The following FGF14 variants were observed in gnomAD, a reference collection of about 807,000 sequenced individuals.
FGF14 encodes fibroblast growth factor homologous factor 4.
FGF14 carries 5 observed loss-of-function variants against 25.5 expected under a neutral mutation model. That is an observed-to-expected ratio of 0.20 (90% CI 0.10 to 0.41). The LOEUF is 0.41. Ranked by LOEUF, FGF14 falls within the 10% of genes least tolerant of loss-of-function variation. FGF14 has a pLI of 1.00. For synonymous variants in FGF14, 138 were observed against 118.3 expected, an observed-to-expected ratio of 1.17 and a Z score of -1.08; for missense variants, 222 against 320.1, an observed-to-expected ratio of 0.69 and a Z score of 2.34.
intron 1 of FGF14, among the ~76,000 whole-genome samples, chr13:101,970,289 G>C (rs1168253711): frequency 6.6e-6 from 1 of 152,178 alleles, no homozygotes; most frequent in African/African-American, 2.4e-5. Context: ...TTTATTCCCA[G>C]TATGGGTTTA....
At chr13:102,045,274 A>G (rs941092179) in intron 1 of FGF14, among the ~76,000 whole-genome samples, 9 of 146,450 alleles carry the variant, frequency 6.1e-5, no homozygotes, top group African/African-American at 1.3e-4. Context: ...ATGCAGATGG[A>G]AAAAAAAAAA....
intron 1 of FGF14, among the ~76,000 whole-genome samples, chr13:102,127,499 CT>C (rs145270801): frequency 0.14 from 22,046 of 152,198 alleles, 2,106 homozygotes; most frequent in Middle Eastern, 0.22. Flanking sequence ...TCTTCTTATT[CT>C]GTAAGAGTTA....
intron 3 of FGF14, among the ~76,000 whole-genome samples, chr13:101,775,824 C>A (rs1226681838): frequency 2.0e-5 from 3 of 152,158 alleles, no homozygotes; most frequent in Non-Finnish European, 4.4e-5. Flanking sequence ...AAGGGGGAAA[C>A]ATCTTTACCT....
intron 3 of FGF14, among the ~76,000 whole-genome samples, chr13:101,771,641 T>C (rs944346177): frequency 2.6e-5 from 4 of 152,078 alleles, no homozygotes; most frequent in African/African-American, 9.7e-5. Flanking sequence ...ATCTGGCCCA[T>C]AGATAAATTA....
intron 1 of FGF14, among the ~76,000 whole-genome samples, chr13:102,208,236 G>C (rs2050019267): frequency 6.6e-6 from 1 of 152,150 alleles, no homozygotes; most frequent in Admixed American, 6.5e-5. Flanking sequence ...AGAAAGCAAT[G>C]CTGACAAGCC....
intron 3 of FGF14, among the ~76,000 whole-genome samples, chr13:101,736,920 G>C (rs1374199261): frequency 6.6e-6 from 1 of 150,460 alleles, no homozygotes; most frequent in Non-Finnish European, 1.5e-5. Flanking sequence ...AGAGGGAAAT[G>C]TGGCTTAACA....
In FGF14 at chr13:102,219,417, TC is replaced by T. The variant is rs562039607; in HGVS notation, c.208+182053del. ...CCCAGGACTTGACATCAACCCCTGC[TC>T]CCTAGATTTCTACTGCTGAGTGAAA... On this transcript the variant is annotated intron_variant, in intron 1 of 4. Coordinates refer to the FGF14 transcript ENST00000376131. Among the ~76,000 whole-genome samples the T allele has an allele frequency of 3.4e-3, 515 of 152,256 alleles. 2 individuals are homozygous for T. Among genetic ancestry groups the T allele is most frequent in the Non-Finnish European group, 5.6e-3 (383 of 68,014 alleles).
chr13:101,873,217 A>G (rs915285875), intron 2 of FGF14, among the ~76,000 whole-genome samples: 8 of 152,162 alleles, frequency 5.3e-5, no homozygotes, highest in African/African-American at 1.9e-4. Flanking sequence ...GGCAATGTCT[A>G]ATAGACACTT....
chr13:102,107,299 A>G (rs911442054), intron 1 of FGF14, among the ~76,000 whole-genome samples: 3 of 152,226 alleles, frequency 2.0e-5, no homozygotes, highest in African/African-American at 7.2e-5. Flanking sequence ...TGAGTGCCAC[A>G]GTATTTAAAG....
intron 1 of FGF14, chr13:102,263,099 T>A (rs1167456333): frequency 4.7e-6 from 3 of 632,176 alleles, no homozygotes; most frequent in Non-Finnish European, 8.9e-6. Context: ...CCTGACTTTA[T>A]TACCAGTTTT....
At chr13:102,077,925 T>C (rs1681095693) in intron 1 of FGF14, among the ~76,000 whole-genome samples, 1 of 152,066 alleles carries the variant, frequency 6.6e-6, no homozygotes, top group African/African-American at 2.4e-5. Flanking sequence ...TTAAATGTGG[T>C]ATATATATAC....
chr13:102,391,465 T>C (rs1465060296), intron 1 of FGF14, among the ~76,000 whole-genome samples: 2 of 152,168 alleles, frequency 1.3e-5, no homozygotes, highest in Non-Finnish European at 2.9e-5. Context: ...AAAGAGATAA[T>C]AATAAGCAAT....
intron 1 of FGF14, among the ~76,000 whole-genome samples, chr13:102,177,087 C>T (rs1318024847): frequency 6.6e-6 from 1 of 152,174 alleles, no homozygotes; most frequent in Non-Finnish European, 1.5e-5. Context: ...GTGAAGCATG[C>T]TCAAGTGCTT....
rs779761920 is a variant in FGF14, at chr13:102,106,911, TGTGA to T, written c.209-231619_209-231616del. Among the ~76,000 whole-genome samples, 5 of 152,204 alleles carry T rather than the reference TGTGA, an allele frequency of 3.3e-5. No individual in the cohort carries two copies. In the South Asian group the frequency reaches 6.2e-4, roughly 19 times the overall value. ...ATATTCCATTAGAGTAAATGTGGTT[TGTGA>T]GTGAGGAAAATTAATCAGGTGGTCC... On this transcript the variant is annotated intron_variant, in intron 1 of 4. Transcript: ENST00000376131.
chr13:101,833,869 A>G (rs2042798262), intron 3 of FGF14, among the ~76,000 whole-genome samples: 1 of 152,126 alleles, frequency 6.6e-6, no homozygotes, highest in African/African-American at 2.4e-5. Context: ...CTTACGTTGA[A>G]TGCTGAAGTT....
chr13:102,308,072 G>A (rs528512216), intron 1 of FGF14, among the ~76,000 whole-genome samples: 3 of 152,154 alleles, frequency 2.0e-5, no homozygotes, highest in African/African-American at 7.2e-5. Flanking sequence ...GACACCAGAA[G>A]GCTGGGCTGG....
chr13:101,729,195 T>C (rs1227831306), intron 3 of FGF14, among the ~76,000 whole-genome samples: 1 of 152,162 alleles, frequency 6.6e-6, no homozygotes. Context: ...TTGCTTGTGA[T>C]AGTGGAGACT....
chr13:102,147,622 G>A (rs1007323963), intron 1 of FGF14, among the ~76,000 whole-genome samples: 2 of 152,158 alleles, frequency 1.3e-5, no homozygotes, highest in African/African-American at 2.4e-5. Context: ...TCATCAAAAT[G>A]CCACTTTCTG....
In FGF14 at chr13:101,868,709, T is replaced by C. The variant is rs2044872017; in HGVS notation, c.408+16A>G. The C allele has an allele frequency of 6.8e-7, 1 of 1,460,076 alleles. No individual in the cohort carries two copies. The highest frequency in any genetic ancestry group is 9.6e-7 in the Non-Finnish European group (1 of 1,039,722). The allele number at this position is 1,460,076 out of a possible 1,614,324, so 90.4% of individuals were successfully genotyped here. ...TGCATTGAACGAATGGCCGAGATCTTTGGCGTCTTACTTACTGATGGGTAG... is the reference window on the plus strand; with the variant it reads ...TGCATTGAACGAATGGCCGAGATCTCTGGCGTCTTACTTACTGATGGGTAG... On this transcript the variant is annotated intron_variant, in intron 3 of 4. Transcript: ENST00000376143.
Sources: allele counts gnomAD v4.1 joint callset (sites outside exome capture counted in the v4.1 genomes callset), GRCh38; gene constraint gnomAD v4.1.1; transcripts MANE v1.5; gene names NCBI Gene and HGNC (gene_info 2026-07-23, HGNC 2026-07-21).